UVSSA: variants seen among roughly 807,000 people sequenced by gnomAD.
UVSSA encodes the protein UV stimulated scaffold protein A.
Under a neutral mutation model 73.9 loss-of-function variants are expected in UVSSA, and 72 were observed. The observed-to-expected ratio is 0.97, with a 90% CI of 0.81 to 1.19. The LOEUF (loss-of-function observed/expected upper bound fraction) is 1.19, where lower values mean the gene tolerates loss of function less well. Among genes scored for constraint, UVSSA ranks in the 50% most tolerant of loss-of-function variants. The probability of loss-of-function intolerance (pLI) is 0.00; values close to 1 mark genes in which losing one functional copy is unlikely to be tolerated. For synonymous variants in UVSSA, 454 were observed against 391.3 expected (o/e 1.16, Z -1.89); for missense variants, 1,150 against 965.0 (o/e 1.19, Z -2.54).
downstream of UVSSA, chr4:1,391,997 C>G (rs1226807454): frequency 3.3e-5 from 5 of 152,266 alleles, no homozygotes; most frequent in East Asian, 5.8e-4. Flanking sequence ...TCTTTTTTGT[C>G]TTTCTTCCTT....
At position 1,394,049 on chromosome 4, in the gene UVSSA, G is replaced by T. The variant is rs562246026; in HGVS notation, c.*8088G>T. 11 of 271,718 alleles carry T rather than the reference G, an allele frequency of 4.0e-5. No homozygotes were observed. The South Asian group carries it at 4.6e-4, about 11-fold the overall frequency. The allele number at this position is 271,718 out of a possible 1,614,324, so 16.8% of individuals were successfully genotyped here. ...TTCTGCTGACACGCAGTTGATATGT[G>T]GTCAGTGCTCCAGCAGGCAGCTGCC... On this transcript the variant is annotated 3_prime_UTR_variant, in exon 14 of 14. Coordinates refer to the UVSSA transcript ENST00000511216.
intron 2 of UVSSA, among the ~76,000 whole-genome samples, chr4:1,349,040 GTGTTTGTGC>G (rs1560416321): frequency 1.4e-5 from 2 of 139,960 alleles, no homozygotes; most frequent in Non-Finnish European, 3.1e-5. Context: ...CAGGCGGTGT[GTGTTTGTGC>G]CGGGCGGTTG....
At chr4:1,359,499 C>T (rs1433563861) in intron 7 of UVSSA, 1 of 152,198 alleles carries the variant, frequency 6.6e-6, no homozygotes, top group Non-Finnish European at 1.5e-5. Flanking sequence ...TATTAATTTC[C>T]TATCAGCCAG....
downstream of UVSSA, chr4:1,392,118 C>T (rs146472739): frequency 3.3e-5 from 5 of 152,264 alleles, no homozygotes; most frequent in Admixed American, 1.3e-4. Flanking sequence ...TTAGCAGCTG[C>T]TCTGAGTATT....
At chr4:1,369,685 C>T (rs1156246419) in intron 8 of UVSSA, among the ~76,000 whole-genome samples, 1 of 152,270 alleles carries the variant, frequency 6.6e-6, no homozygotes, top group Non-Finnish European at 1.5e-5. Context: ...CAGCGCTGGG[C>T]AGGCCGCCTG....
At chr4:1,372,796 C>CT (rs1414819130) in intron 8 of UVSSA, among the ~76,000 whole-genome samples, 16 of 77,898 alleles carry the variant, frequency 2.1e-4, no homozygotes, top group East Asian at 1.6e-3. Flanking sequence ...CGCGTCCCTG[C>CT]ACTCACCTCC....
At chr4:1,365,859 C>G (rs1446235910) in intron 7 of UVSSA, among the ~76,000 whole-genome samples, 2 of 151,768 alleles carry the variant, frequency 1.3e-5, no homozygotes, top group Non-Finnish European at 2.9e-5. Flanking sequence ...AGATAACTGC[C>G]CTAAGCCTCA....
At position 1,393,966 on chromosome 4, in the gene UVSSA, C is replaced by A. The variant is rs116246757; in HGVS notation, c.*8005C>A. ...AAGTGCTTTGCACCAGTAACTCTCACGGTTCTGCCGACACGCAGTTGATGC... is the reference window on the plus strand; with the variant it reads ...AAGTGCTTTGCACCAGTAACTCTCAAGGTTCTGCCGACACGCAGTTGATGC... On this transcript the variant is annotated 3_prime_UTR_variant, in exon 14 of 14. Coordinates refer to the UVSSA transcript ENST00000511216. The A allele has an allele frequency of 1.6e-3, 326 of 198,268 alleles. 2 individuals carry two copies. The highest frequency in any genetic ancestry group is 7.4e-3 in the African/African-American group (312 of 42,444). The allele number at this position is 198,268 out of a possible 1,614,324, so 12.3% of individuals were successfully genotyped here.
chr4:1,374,568 T>C (rs1457378930), intron 8 of UVSSA, among the ~76,000 whole-genome samples: 1 of 152,226 alleles, frequency 6.6e-6, no homozygotes, highest in Non-Finnish European at 1.5e-5. Context: ...CTGTCATCTC[T>C]GTGGGACGTT....
At chr4:1,344,477 G>T (rs1391298989), upstream of UVSSA, among the ~76,000 whole-genome samples, 1 of 151,368 alleles carries the variant, frequency 6.6e-6, no homozygotes, top group Non-Finnish European at 1.5e-5. Flanking sequence ...TTTGAACCTG[G>T]GAGGCAGAGG....
downstream of UVSSA, chr4:1,390,838 T>A (rs1371870682): frequency 6.5e-6 from 1 of 152,898 alleles, no homozygotes; most frequent in East Asian, 1.9e-4. Flanking sequence ...GCCTGTTGGG[T>A]CTGATTGGTT....
chr4:1,372,801 ACC>A (rs1718264916), intron 8 of UVSSA, among the ~76,000 whole-genome samples: 10 of 37,940 alleles, frequency 2.6e-4, no homozygotes, highest in African/African-American at 8.6e-4. Context: ...CCCTGCACTC[ACC>A]TCCCGCGTCT....
rs1275280749 is a variant in UVSSA at position 1,386,642 on chromosome 4, T to A, written c.*681T>A. On this transcript the variant is annotated 3_prime_UTR_variant, in exon 14 of 14. Transcript: ENST00000389851. ...CGTGGGCTTACTGGCCATTTGTGTA[T>A]CTCCTTTGGAGAGGAGTCTATTCAA... is the stretch of plus-strand genomic sequence containing the variant. The A allele has an allele frequency of 6.6e-6, 1 of 152,316 alleles. No individual in the cohort carries two copies. The highest frequency in any genetic ancestry group is 1.5e-5 in the Non-Finnish European group (1 of 68,114). The allele number at this position is 152,316 out of a possible 1,614,324, so 9.4% of individuals were successfully genotyped here.
At chr4:1,373,086 T>C (rs1718337132) in intron 8 of UVSSA, among the ~76,000 whole-genome samples, 1 of 152,274 alleles carries the variant, frequency 6.6e-6, no homozygotes, top group Admixed American at 6.5e-5. Context: ...TATAAAATCC[T>C]GAGCTTGAAC....
intron 5 of UVSSA, chr4:1,354,468 T>G: frequency 4.1e-6 from 2 of 484,936 alleles, no homozygotes; most frequent in Non-Finnish European, 3.8e-6. Flanking sequence ...GCCCTCCAGA[T>G]GGGATGGCTG....
intron 5 of UVSSA, 134 bp from the exon 6 acceptor site, chr4:1,354,601 T>TC: frequency 1.4e-6 from 1 of 690,428 alleles, no homozygotes; most frequent in African/African-American, 1.8e-5. Flanking sequence ...GGTTTGGGAT[T>TC]CCCGGGGGCA....
chr4:1,346,330 G>A (rs949593634), upstream of UVSSA, among the ~76,000 whole-genome samples: 5 of 152,050 alleles, frequency 3.3e-5, no homozygotes, highest in African/African-American at 1.2e-4. Flanking sequence ...CGGGAGCCCA[G>A]TCGGGCGTCT....
chr4:1,385,651 G>A, intron 13 of UVSSA: 1 of 585,074 alleles, frequency 1.7e-6, no homozygotes, highest in East Asian at 2.8e-5. Context: ...CCGCTTCTGG[G>A]ACCTGGGGCG....
At chr4:1,383,732 G>C in intron 12 of UVSSA, 34 bp from the exon 13 acceptor site, 1 of 1,611,434 alleles carries the variant, frequency 6.2e-7, no homozygotes, top group Middle Eastern at 1.7e-4. Flanking sequence ...GTCAGTGCCA[G>C]ACGTCTCCTG....
Sources: gnomAD v4.1 joint callset for allele counts (sites outside exome capture counted in the v4.1 genomes callset) on GRCh38, gnomAD v4.1.1 for gene constraint, MANE v1.5 for transcripts, NCBI Gene and HGNC (gene_info 2026-07-23, HGNC 2026-07-21) for gene names.